Variants in ANKS1B observed in about 807,000 individuals in gnomAD.
ANKS1B encodes the protein ankyrin repeat and sterile alpha motif domain containing 1B, also known as ankyrin repeat and sterile alpha motif domain-containing protein 1B.
In ANKS1B, 36 loss-of-function variants were observed where a neutral mutation model predicts 148.3. The observed-to-expected ratio is 0.24, with a 90% CI of 0.19 to 0.32. The LOEUF (loss-of-function observed/expected upper bound fraction) is 0.32, where lower values mean the gene tolerates loss of function less well. Among genes scored for constraint, ANKS1B ranks in the 10% least tolerant of loss-of-function variants. The pLI is 1.00. For missense variants in ANKS1B, 1,157 were observed against 1,542.6 expected (o/e 0.75, Z 4.19); for synonymous variants, 542 against 560.8 (o/e 0.97, Z 0.47).
At chr12:99,457,611 G>A (rs1567137491) in intron 10 of ANKS1B, among the ~76,000 whole-genome samples, 1 of 152,166 alleles carries the variant, frequency 6.6e-6, no homozygotes, top group East Asian at 1.9e-4. Flanking sequence ...GACACCAAAA[G>A]CAAGCAGGAG....
At chr12:99,629,195 T>C (rs1048869471) in intron 9 of ANKS1B, among the ~76,000 whole-genome samples, 3 of 152,174 alleles carry the variant, frequency 2.0e-5, no homozygotes, top group Admixed American at 6.6e-5. Context: ...ACCTTTGCCA[T>C]AGACCATCCA....
In ANKS1B at chr12:99,092,124, T is replaced by C. The variant is rs75255549; in HGVS notation, c.2527-7101A>G. ...GTTCACTGAATCCTGGAATCAGGCT[T>C]GGCAGGGACCTGGGGGGTTTCTAGT... On this transcript the variant is annotated intron_variant, in intron 15 of 26. Transcript: ENST00000683438. Among the ~76,000 whole-genome samples the C allele has an allele frequency of 8.8e-3, 1,004 of 113,752 alleles. 13 individuals are homozygous for C. Among genetic ancestry groups the C allele is most frequent in the African/African-American group, 0.024 (929 of 38,372 alleles). 74.6% of individuals were successfully genotyped at this position (113,752 alleles called of 152,430 possible). A position where few individuals can be genotyped will look rare whatever the true frequency, so the allele number is the denominator to read the frequency against.
intron 12 of ANKS1B, among the ~76,000 whole-genome samples, chr12:99,329,152 G>C (rs759727959): frequency 2.3e-4 from 35 of 151,938 alleles, no homozygotes; most frequent in Non-Finnish European, 4.4e-4. Flanking sequence ...AAAAGGTTTG[G>C]GGTATGAGGA....
intron 16 of ANKS1B, among the ~76,000 whole-genome samples, chr12:99,069,002 T>C (rs1158091920): frequency 6.6e-6 from 1 of 152,234 alleles, no homozygotes; most frequent in Non-Finnish European, 1.5e-5. Flanking sequence ...TATCTCTGTC[T>C]AAAATGCAGG....
intron 1 of ANKS1B, among the ~76,000 whole-genome samples, chr12:99,897,852 T>TAAAAAAAAAAAAAAA (rs3054223): frequency 8.5e-6 from 1 of 117,936 alleles, no homozygotes; most frequent in Non-Finnish European, 1.9e-5. Flanking sequence ...AATTAAAAGT[T>TAAAAAAAAAAAAAAA]AAAAAAAAAA....
At chr12:98,936,304 G>A (rs1462746002) in intron 17 of ANKS1B, among the ~76,000 whole-genome samples, 1 of 152,176 alleles carries the variant, frequency 6.6e-6, no homozygotes, top group African/African-American at 2.4e-5. Flanking sequence ...AGCCAATGCT[G>A]TCTCCATACT....
chr12:99,595,957 A>G (rs2097755310), intron 9 of ANKS1B, among the ~76,000 whole-genome samples: 1 of 151,916 alleles, frequency 6.6e-6, no homozygotes, highest in African/African-American at 2.4e-5. Context: ...TATCAATTTA[A>G]ATAGATGCAT....
intron 12 of ANKS1B, among the ~76,000 whole-genome samples, chr12:99,356,625 G>C (rs530437174): frequency 2.2e-4 from 33 of 152,268 alleles, no homozygotes; most frequent in African/African-American, 7.7e-4. Flanking sequence ...ACAATAACTT[G>C]ATAACTGGTA....
intron 10 of ANKS1B, among the ~76,000 whole-genome samples, chr12:99,489,373 G>A (rs527502357): frequency 3.3e-5 from 5 of 152,102 alleles, no homozygotes; most frequent in African/African-American, 1.2e-4. Context: ...AGTATGATAC[G>A]GGGAAAGTAC....
At chr12:99,590,363 G>C (rs1284662636) in intron 9 of ANKS1B, among the ~76,000 whole-genome samples, 2 of 151,628 alleles carry the variant, frequency 1.3e-5, no homozygotes, top group Non-Finnish European at 2.9e-5. Context: ...CGGTCTAATG[G>C]GGAAGGTACA....
intron 17 of ANKS1B, among the ~76,000 whole-genome samples, chr12:98,852,942 C>T (rs1460351076): frequency 6.6e-6 from 1 of 151,986 alleles, no homozygotes; most frequent in Non-Finnish European, 1.5e-5. Flanking sequence ...TATGAGGATC[C>T]AAAAAGATGT....
chr12:98,776,223 C>T (rs1168848728), intron 24 of ANKS1B, among the ~76,000 whole-genome samples: 1 of 152,222 alleles, frequency 6.6e-6, no homozygotes, highest in Non-Finnish European at 1.5e-5. Context: ...TAGACTTCCT[C>T]CTTGGAGAAG....
intron 9 of ANKS1B, among the ~76,000 whole-genome samples, chr12:99,521,393 C>T (rs576591890): frequency 2.0e-5 from 3 of 152,086 alleles, no homozygotes; most frequent in Non-Finnish European, 4.4e-5. Flanking sequence ...GTCCTTAGTG[C>T]CTTACTGAGT....
At chr12:99,790,029 C>T (rs1329365287) in intron 4 of ANKS1B, among the ~76,000 whole-genome samples, 4 of 152,076 alleles carry the variant, frequency 2.6e-5, no homozygotes, top group Admixed American at 1.3e-4. Context: ...GAGCACCAAG[C>T]AGATGTAACC....
chr12:99,239,211 A>G (rs1218262466), intron 14 of ANKS1B, among the ~76,000 whole-genome samples: 1 of 152,222 alleles, frequency 6.6e-6, no homozygotes, highest in African/African-American at 2.4e-5. Context: ...AACGGTGTAA[A>G]GAAGACTTTA....
rs144913011 is a variant in ANKS1B at position 99,859,720 on chromosome 12, C to G, written c.135-34331G>C. ...GGAGTGCAGTGGCACAATCTCGGCT[C>G]ACTGCAACCTCTGCCTCCCAGGTTC... On this transcript the variant is annotated intron_variant, in intron 1 of 26. Coordinates refer to ENST00000683438, the MANE Select transcript of ANKS1B (RefSeq NM_001352186.2). Among the ~76,000 whole-genome samples, 1,176 of 151,924 alleles carry G rather than the reference C, an allele frequency of 7.7e-3. 13 individuals are homozygous for G. The highest frequency in any genetic ancestry group is 0.027 in the African/African-American group (1,113 of 41,422).
intron 17 of ANKS1B, among the ~76,000 whole-genome samples, chr12:98,935,948 G>A (rs1395263871): frequency 1.3e-5 from 2 of 152,118 alleles, no homozygotes; most frequent in African/African-American, 2.4e-5. Flanking sequence ...AAAAAAGTTA[G>A]TTTAGTCAAC....
intron 9 of ANKS1B, among the ~76,000 whole-genome samples, chr12:99,538,134 G>A (rs750565470): frequency 6.6e-6 from 1 of 152,046 alleles, no homozygotes; most frequent in South Asian, 2.1e-4. Flanking sequence ...TTTTATGACA[G>A]TGTCATACTG....
intron 9 of ANKS1B, among the ~76,000 whole-genome samples, chr12:99,531,223 C>A (rs1418883971): frequency 6.6e-6 from 1 of 152,168 alleles, no homozygotes; most frequent in Non-Finnish European, 1.5e-5. Context: ...CTTTTCAGGA[C>A]TGCATTTATA....
Sources: allele counts gnomAD v4.1 joint callset (sites outside exome capture counted in the v4.1 genomes callset), GRCh38; gene constraint gnomAD v4.1.1; transcripts MANE v1.5; gene names NCBI Gene and HGNC (gene_info 2026-07-23, HGNC 2026-07-21).